Variants in DSCAM observed in about 807,000 individuals in gnomAD.
DSCAM encodes cell adhesion molecule DSCAM.
In DSCAM, 47 loss-of-function variants were observed where a neutral mutation model predicts 217.7. That is an observed-to-expected ratio of 0.22 (90% CI 0.17 to 0.28). DSCAM has a LOEUF of 0.28. Among genes scored for constraint, DSCAM ranks in the 10% least tolerant of loss-of-function variants. The pLI is 1.00. For synonymous variants in DSCAM, 1,056 were observed against 1,015.3 expected, an observed-to-expected ratio of 1.04 and a Z score of -0.76; for missense variants, 2,080 against 2,618.3, an observed-to-expected ratio of 0.79 and a Z score of 4.49.
chr21:40,458,946 G>A (rs61026129), intron 3 of DSCAM, among the ~76,000 whole-genome samples: 2,686 of 151,546 alleles, frequency 0.018, 81 homozygotes, highest in African/African-American at 0.061. Flanking sequence ...TTATATATGA[G>A]AGTAGAACCT....
In DSCAM at chr21:40,841,723, C is replaced by T. The variant is rs560212471; in HGVS notation, c.43+4896G>A. Among the ~76,000 whole-genome samples, 839 of 152,326 alleles carry T rather than the reference C, an allele frequency of 5.5e-3. 6 individuals carry two copies. The highest frequency in any genetic ancestry group is 9.7e-3 in the Non-Finnish European group (657 of 68,026). On this transcript the variant is annotated intron_variant, in intron 1 of 32. Coordinates refer to ENST00000400454, the MANE Select transcript of DSCAM (RefSeq NM_001389.5). ...GGTCAGCCAATCAGGCGCGGAGCTG[C>T]TCCCGGAGCTGCCACCTCCGAGGCG... is the stretch of plus-strand genomic sequence containing the variant.
At chr21:40,790,461 T>C (rs9979613) in intron 1 of DSCAM, among the ~76,000 whole-genome samples, 68,654 of 152,130 alleles carry the variant, frequency 0.45, 17,417 homozygotes, top group South Asian at 0.66. Context: ...AGAGTTTACT[T>C]TATCTTACCC....
intron 3 of DSCAM, among the ~76,000 whole-genome samples, chr21:40,588,391 T>C (rs1206730662): frequency 6.6e-6 from 1 of 152,176 alleles, no homozygotes; most frequent in East Asian, 1.9e-4. Context: ...AGTCAGAACA[T>C]CTAAAGGGGG....
intron 3 of DSCAM, among the ~76,000 whole-genome samples, chr21:40,585,663 T>G (rs1345339461): frequency 1.3e-5 from 2 of 152,152 alleles, no homozygotes; most frequent in Non-Finnish European, 2.9e-5. Context: ...CACCAAGTTG[T>G]AGGTCGAAAT....
intron 3 of DSCAM, among the ~76,000 whole-genome samples, chr21:40,540,901 T>G (rs993266235): frequency 6.3e-5 from 9 of 142,754 alleles, no homozygotes; most frequent in Non-Finnish European, 1.2e-4. Context: ...GTTTGGGGTA[T>G]TTTTTTTTTA....
intron 20 of DSCAM, among the ~76,000 whole-genome samples, chr21:40,114,571 A>G (rs1280071926): frequency 6.6e-6 from 1 of 152,200 alleles, no homozygotes; most frequent in Non-Finnish European, 1.5e-5. Context: ...ATGGGATCTA[A>G]TTAAACTAAA....
chr21:40,566,667 A>AT (rs2076767183), intron 3 of DSCAM, among the ~76,000 whole-genome samples: 1 of 152,156 alleles, frequency 6.6e-6, no homozygotes, highest in Non-Finnish European at 1.5e-5. Flanking sequence ...AAATAATTTC[A>AT]TTGGCTGGAA....
chr21:40,286,187 A>G (rs1041217742), intron 10 of DSCAM, among the ~76,000 whole-genome samples: 2 of 152,204 alleles, frequency 1.3e-5, no homozygotes, highest in Non-Finnish European at 2.9e-5. Flanking sequence ...GGATTAAGAT[A>G]GGGCCAGGAT....
chr21:40,576,898 C>G (rs79390722), intron 3 of DSCAM, among the ~76,000 whole-genome samples: 2 of 151,722 alleles, frequency 1.3e-5, no homozygotes, highest in Middle Eastern at 3.4e-3. Context: ...TAGCGTTGCA[C>G]CCAGGCGAGT....
chr21:40,215,761 G>A (rs895632006), intron 11 of DSCAM, among the ~76,000 whole-genome samples: 18 of 151,842 alleles, frequency 1.2e-4, no homozygotes, highest in South Asian at 2.1e-4. Context: ...ATTCATCCAC[G>A]TAACCAAAAA....
intron 3 of DSCAM, among the ~76,000 whole-genome samples, chr21:40,667,390 T>C (rs1253074893): frequency 1.3e-5 from 2 of 152,236 alleles, no homozygotes; most frequent in African/African-American, 4.8e-5. Context: ...AGGCTTGATT[T>C]CTATTTGTAT....
At chr21:40,251,050 C>A (rs1404693351) in intron 11 of DSCAM, among the ~76,000 whole-genome samples, 1 of 152,222 alleles carries the variant, frequency 6.6e-6, no homozygotes, top group Non-Finnish European at 1.5e-5. Context: ...AGCCCTTGTG[C>A]TGCAGCATGC....
chr21:40,101,487 A>T (rs1235126837), intron 20 of DSCAM, among the ~76,000 whole-genome samples: 1 of 151,942 alleles, frequency 6.6e-6, no homozygotes. Context: ...TGGACGTGGT[A>T]GGATGGGATG....
rs116894014 is a variant in DSCAM at position 40,369,795 on chromosome 21, C to T, written c.509-550G>A. Among the ~76,000 whole-genome samples, 96 of 152,266 alleles carry T rather than the reference C, an allele frequency of 6.3e-4. 1 individual carries two copies. In the East Asian group the frequency reaches 0.018, roughly 29 times the overall value. ...TCCCCTAAAAAGGCTGTCTTATTTCCTCACATTAATAACCAATATTTATCA... is the reference window on the plus strand; with the variant it reads ...TCCCCTAAAAAGGCTGTCTTATTTCTTCACATTAATAACCAATATTTATCA... On this transcript the variant is annotated intron_variant, in intron 3 of 32. Coordinates refer to ENST00000400454, the MANE Select transcript of DSCAM (RefSeq NM_001389.5).
At chr21:40,174,199 C>A (rs1388046963) in intron 15 of DSCAM, among the ~76,000 whole-genome samples, 1 of 152,160 alleles carries the variant, frequency 6.6e-6, no homozygotes, top group Non-Finnish European at 1.5e-5. Context: ...TTGGGGAAGC[C>A]ATGAAGACTG....
chr21:40,324,213 G>T (rs974930798), intron 8 of DSCAM, among the ~76,000 whole-genome samples: 4 of 144,612 alleles, frequency 2.8e-5, no homozygotes, highest in African/African-American at 1.0e-4. Flanking sequence ...AAATTATCAA[G>T]TAAGTCCATG....
intron 11 of DSCAM, among the ~76,000 whole-genome samples, chr21:40,266,777 C>T (rs1379614173): frequency 2.7e-5 from 3 of 109,098 alleles, no homozygotes; most frequent in Admixed American, 9.7e-5. Context: ...TTTTCACATG[C>T]ATATATATAT....
rs377100173 is a variant in DSCAM at position 40,410,961 on chromosome 21, C to T, written c.509-41716G>A. Among the ~76,000 whole-genome samples, 56 of 152,108 alleles carry T rather than the reference C, an allele frequency of 3.7e-4. 2 individuals carry two copies. Among genetic ancestry groups the T allele is most frequent in the Admixed American group, 1.9e-3 (29 of 15,276 alleles). On this transcript the variant is annotated intron_variant, in intron 3 of 32. Coordinates refer to ENST00000400454, the MANE Select transcript of DSCAM (RefSeq NM_001389.5). ...AGAAAATATGTGGTTAAATGTAACA[C>T]CTTTTATTATCAGTTTTAAAATATC...
rs138957340 is a variant in DSCAM at position 40,115,796 on chromosome 21, T to C, written c.3696+8399A>G. 3.8e-3 allele frequency among the ~76,000 whole-genome samples: 575 copies of C among 152,306 alleles called. 6 individuals are homozygous for C. The highest frequency in any genetic ancestry group is 0.013 in the African/African-American group (541 of 41,570). ...AATACCATTTGACCTGGCAATCCCATTACTGGGTATATACCCAAAGGAATA... is the reference window on the plus strand; with the variant it reads ...AATACCATTTGACCTGGCAATCCCACTACTGGGTATATACCCAAAGGAATA... On this transcript the variant is annotated intron_variant, in intron 20 of 32. Transcript: ENST00000400454.
Sources: allele counts gnomAD v4.1 joint callset (sites outside exome capture counted in the v4.1 genomes callset), GRCh38; gene constraint gnomAD v4.1.1; transcripts MANE v1.5; gene names NCBI Gene and HGNC (gene_info 2026-07-23, HGNC 2026-07-21).